EPB41L1: variants seen among roughly 807,000 people sequenced by gnomAD.
EPB41L1 encodes erythrocyte membrane protein band 4.1 like 1, also known as band 4.1-like protein 1.
In EPB41L1, 29 loss-of-function variants were observed where a neutral mutation model predicts 97.8. The observed-to-expected ratio is 0.30, with a 90% CI of 0.22 to 0.40. The LOEUF (loss-of-function observed/expected upper bound fraction) is 0.40, where lower values mean the gene tolerates loss of function less well. Among genes scored for constraint, EPB41L1 ranks in the 10% least tolerant of loss-of-function variants. The probability of loss-of-function intolerance (pLI) is 1.00; values close to 1 mark genes in which losing one functional copy is unlikely to be tolerated. For synonymous variants in EPB41L1, 383 were observed against 459.2 expected (o/e 0.83, Z 2.12); for missense variants, 812 against 1,162.3 (o/e 0.70, Z 4.38).
chr20:36,117,221 C>T (rs1162057733), intron 2 of EPB41L1, among the ~76,000 whole-genome samples: 3 of 152,158 alleles, frequency 2.0e-5, no homozygotes, highest in African/African-American at 4.8e-5. Flanking sequence ...GCAGATCATT[C>T]GTCCTGGATT....
chr20:36,213,611 G>T (rs1017014838), intron 16 of EPB41L1, among the ~76,000 whole-genome samples: 2 of 152,092 alleles, frequency 1.3e-5, no homozygotes, highest in Non-Finnish European at 2.9e-5. Context: ...ACGTGTTTCT[G>T]TTGTGTTTTC....
intron 1 of EPB41L1, among the ~76,000 whole-genome samples, chr20:36,162,065 A>G (rs1236189688): frequency 6.6e-6 from 1 of 152,174 alleles, no homozygotes; most frequent in East Asian, 1.9e-4. Context: ...CACCCTGCCT[A>G]TCTCATTTAA....
chr20:36,119,893 C>T (rs1318904661), intron 2 of EPB41L1, among the ~76,000 whole-genome samples: 2 of 152,108 alleles, frequency 1.3e-5, no homozygotes, highest in Non-Finnish European at 2.9e-5. Flanking sequence ...CAATACCACT[C>T]TCCCTGCCCG....
intron 21 of EPB41L1, among the ~76,000 whole-genome samples, chr20:36,227,570 TTTTCCATG>T: frequency 6.6e-6 from 1 of 152,224 alleles, no homozygotes; most frequent in South Asian, 2.1e-4. Flanking sequence ...CCTCTGAGGT[TTTTCCATG>T]TTTAGAGGTT....
chr20:36,095,251 C>T (rs1377120853), intron 1 of EPB41L1, among the ~76,000 whole-genome samples: 9 of 152,126 alleles, frequency 5.9e-5, no homozygotes, highest in African/African-American at 2.2e-4. Flanking sequence ...GGATTACAGG[C>T]ATGAGCCACC....
chr20:36,105,993 A>C (rs2058178600), intron 1 of EPB41L1, among the ~76,000 whole-genome samples: 1 of 152,112 alleles, frequency 6.6e-6, no homozygotes, highest in Admixed American at 6.5e-5. Flanking sequence ...GCCTCCAGCT[A>C]AGGTGACCCT....
chr20:36,108,891 C>T (rs1230195018), intron 1 of EPB41L1, among the ~76,000 whole-genome samples: 1 of 151,714 alleles, frequency 6.6e-6, no homozygotes, highest in South Asian at 2.1e-4. Flanking sequence ...GGCCTTGCCC[C>T]TTGGTGGAAT....
chr20:36,154,362 A>G (rs2060182345), upstream of EPB41L1, among the ~76,000 whole-genome samples: 1 of 151,920 alleles, frequency 6.6e-6, no homozygotes, highest in Non-Finnish European at 1.5e-5. The surrounding 1 kb of genome is among the most constrained non-coding windows in gnomAD (Gnocchi z 5.5). Context: ...TGGCGAGAGC[A>G]AGGAGGCCCG....
chr20:36,191,806 A>C (rs1291787502), intron 11 of EPB41L1, among the ~76,000 whole-genome samples: 3 of 152,282 alleles, frequency 2.0e-5, no homozygotes, highest in Non-Finnish European at 2.9e-5. Context: ...CATAGTACCT[A>C]CTTTGCTGTG....
At chr20:36,179,115 G>A (rs1398648792) in intron 5 of EPB41L1, among the ~76,000 whole-genome samples, 12 of 151,670 alleles carry the variant, frequency 7.9e-5, no homozygotes. Flanking sequence ...AATGCATTCA[G>A]ATCCATGAGT....
intron 19 of EPB41L1, 97 bp from the exon 20 acceptor site, chr20:36,221,767 C>T: frequency 9.5e-7 from 1 of 1,053,552 alleles, no homozygotes; most frequent in Non-Finnish European, 1.5e-6. Flanking sequence ...TGCTGGTTCT[C>T]AGCCCTGCCC....
chr20:36,180,507 A>C (rs558222801), intron 5 of EPB41L1, among the ~76,000 whole-genome samples: 6 of 152,320 alleles, frequency 3.9e-5, no homozygotes, highest in Admixed American at 6.5e-5. Context: ...CACCAAGCAC[A>C]TAGTAGGTGC....
chr20:36,222,988 C>T (rs528265884), intron 21 of EPB41L1, among the ~76,000 whole-genome samples: 1 of 152,332 alleles, frequency 6.6e-6, no homozygotes, highest in African/African-American at 2.4e-5. Flanking sequence ...CCTCTGGCTC[C>T]TGGGTTTAAG....
Position 36,154,873 on chromosome 20 carries a change from C to T in EPB41L1, c.-38C>T. The T allele has an allele frequency of 9.8e-7, 1 of 1,020,708 alleles. No individual in the cohort carries two copies. Among genetic ancestry groups the T allele is most frequent in the Admixed American group, 5.7e-5 (1 of 17,678 alleles). 63.2% of individuals were successfully genotyped at this position (1,020,708 alleles called of 1,614,324 possible). On this transcript the variant is annotated 5_prime_UTR_variant, in exon 1 of 22. Transcript: ENST00000338074. This position sits in a 1 kb window ranked among gnomAD's most constrained non-coding sequence, Gnocchi z 5.5. ...GGGGCCGCCCCTCGCCCAACCTGCCCGACATGGGGAACCCCGGGCCCAGGT... is the reference window on the plus strand; with the variant it reads ...GGGGCCGCCCCTCGCCCAACCTGCCTGACATGGGGAACCCCGGGCCCAGGT...
chr20:36,162,487 A>G (rs1434205065), intron 1 of EPB41L1, among the ~76,000 whole-genome samples: 1 of 152,190 alleles, frequency 6.6e-6, no homozygotes, highest in Non-Finnish European at 1.5e-5. Flanking sequence ...GGCCTTGGCC[A>G]CTAAGCCGCC....
intron 2 of EPB41L1, among the ~76,000 whole-genome samples, chr20:36,130,055 C>T (rs60635014): frequency 7.0e-4 from 107 of 151,794 alleles, no homozygotes; most frequent in African/African-American, 2.5e-3. Context: ...GATTCTCATG[C>T]CTCAGCCTCC....
At chr20:36,225,340 G>C (rs563401830) in intron 21 of EPB41L1, among the ~76,000 whole-genome samples, 17 of 152,252 alleles carry the variant, frequency 1.1e-4, no homozygotes, top group African/African-American at 3.6e-4. Context: ...CACTTGCTGA[G>C]CTGGGTGTAT....
chr20:36,197,664 G>T, intron 13 of EPB41L1, 195 bp from the exon 14 acceptor site: 1 of 985,346 alleles, frequency 1.0e-6, no homozygotes, highest in South Asian at 4.7e-5. Flanking sequence ...TCTGTGCCTT[G>T]GGATGTGCAC....
upstream of EPB41L1, among the ~76,000 whole-genome samples, chr20:36,150,098 G>A (rs1210745867): frequency 1.7e-4 from 25 of 142,888 alleles, no homozygotes; most frequent in Non-Finnish European, 3.2e-4. Context: ...ACGGAGTTTC[G>A]CTCTTGTCCC....
Sources: gnomAD v4.1 joint callset for allele counts (sites outside exome capture counted in the v4.1 genomes callset) on GRCh38, gnomAD v4.1.1 for gene constraint, Gnocchi (gnomAD v3.1) non-coding constraint, MANE v1.5 for transcripts, NCBI Gene and HGNC (gene_info 2026-07-23, HGNC 2026-07-21) for gene names.